SLC22A16: variants seen among roughly 807,000 people sequenced by gnomAD.
The protein encoded by SLC22A16 is solute carrier family 22 member 16, also known as WUGSC:RG331P03.1.
Under a neutral mutation model 52.9 loss-of-function variants are expected in SLC22A16, and 53 were observed. The observed-to-expected ratio is 1.00, with a 90% CI of 0.80 to 1.26. SLC22A16 has a LOEUF of 1.26. Among genes scored for constraint, SLC22A16 ranks in the 50% most tolerant of loss-of-function variants. The pLI is 0.00. For missense variants in SLC22A16, 726 were observed against 704.0 expected (o/e 1.03, Z -0.35); for synonymous variants, 291 against 268.8 (o/e 1.08, Z -0.81).
At chr6:110,461,313 A>T (rs1775874116) in intron 1 of SLC22A16, among the ~76,000 whole-genome samples, 1 of 152,194 alleles carries the variant, frequency 6.6e-6, no homozygotes, top group African/African-American at 2.4e-5. Context: ...GCCAAAGGAC[A>T]GTGTTTAAAA....
chr6:110,434,095 C>G (rs1015826337), intron 6 of SLC22A16, among the ~76,000 whole-genome samples: 6 of 151,994 alleles, frequency 3.9e-5, no homozygotes, highest in Non-Finnish European at 7.4e-5. Context: ...CAAAAATTAG[C>G]CGGGCATGGT....
chr6:110,466,200 G>C (rs1012789260), intron 1 of SLC22A16, among the ~76,000 whole-genome samples: 14 of 152,126 alleles, frequency 9.2e-5, no homozygotes, highest in African/African-American at 3.1e-4. Flanking sequence ...AGAAAACTTA[G>C]GAAAAACTCT....
intron 2 of SLC22A16, among the ~76,000 whole-genome samples, chr6:110,450,782 T>A (rs1271862049): frequency 6.6e-6 from 1 of 152,132 alleles, no homozygotes; most frequent in Admixed American, 6.5e-5. Flanking sequence ...ATATGTACAG[T>A]TTCAAGAATA....
At chr6:110,459,899 C>T (rs964046992) in intron 1 of SLC22A16, among the ~76,000 whole-genome samples, 7 of 152,074 alleles carry the variant, frequency 4.6e-5, no homozygotes, top group Non-Finnish European at 1.0e-4. Flanking sequence ...GACAATTATG[C>T]CCACAGGACA....
Position 110,438,045 on chromosome 6 carries a change from C to T in SLC22A16, c.1311+675G>A, listed in dbSNP as rs181101600. ...CATTCAGGTTTCTGATTACATGTCGCCTCCTCCGAGAGGTGCACCATCCTC... is the reference window on the plus strand; with the variant it reads ...CATTCAGGTTTCTGATTACATGTCGTCTCCTCCGAGAGGTGCACCATCCTC... On this transcript the variant is annotated intron_variant, in intron 5 of 7. Coordinates refer to ENST00000368919, the MANE Select transcript of SLC22A16 (RefSeq NM_033125.4). Among the ~76,000 whole-genome samples the T allele has an allele frequency of 3.5e-3, 538 of 152,228 alleles. 3 individuals carry two copies. The highest frequency in any genetic ancestry group is 0.012 in the African/African-American group (512 of 41,536).
chr6:110,458,946 C>T (rs1410738568), intron 1 of SLC22A16, among the ~76,000 whole-genome samples: 1 of 152,028 alleles, frequency 6.6e-6, no homozygotes, highest in African/African-American at 2.4e-5. Flanking sequence ...GACTTCTCAG[C>T]CTTTATAACC....
chr6:110,442,183 C>A (rs559796992), intron 4 of SLC22A16, 61 bp downstream of exon 4: 4 of 1,504,636 alleles, frequency 2.7e-6, no homozygotes, highest in Admixed American at 1.9e-5. Flanking sequence ...AACAGACACA[C>A]ACACACAAAT....
At chr6:110,474,476 T>G (rs1776388638) in intron 1 of SLC22A16, among the ~76,000 whole-genome samples, 2 of 152,250 alleles carry the variant, frequency 1.3e-5, no homozygotes, top group Admixed American at 1.3e-4. Flanking sequence ...TCTTCTGCTA[T>G]ATAAGCAGTG....
At chr6:110,445,685 G>T (rs1436213798) in intron 3 of SLC22A16, among the ~76,000 whole-genome samples, 1 of 152,142 alleles carries the variant, frequency 6.6e-6, no homozygotes, top group South Asian at 2.1e-4. Flanking sequence ...TATTTTGCAA[G>T]ACTGAAACAG....
intron 1 of SLC22A16, among the ~76,000 whole-genome samples, chr6:110,470,132 A>T (rs1295511323): frequency 1.3e-5 from 2 of 152,180 alleles, no homozygotes; most frequent in Non-Finnish European, 2.9e-5. Context: ...GTGGGCCAGC[A>T]TCTACCCGCT....
At chr6:110,474,403 G>A (rs1253342322) in intron 1 of SLC22A16, among the ~76,000 whole-genome samples, 1 of 152,218 alleles carries the variant, frequency 6.6e-6, no homozygotes, top group African/African-American at 2.4e-5. Flanking sequence ...ATAAAGAATA[G>A]ATACCAATTA....
At chr6:110,469,155 C>G (rs1776176039) in intron 1 of SLC22A16, among the ~76,000 whole-genome samples, 3 of 152,212 alleles carry the variant, frequency 2.0e-5, no homozygotes, top group African/African-American at 2.4e-5. Context: ...CAATTCTCCC[C>G]TCTTTACTCT....
chr6:110,450,689 G>C (rs1271613679), intron 2 of SLC22A16, among the ~76,000 whole-genome samples: 1 of 147,280 alleles, frequency 6.8e-6, no homozygotes, highest in East Asian at 2.0e-4. Context: ...ATTCTCCACT[G>C]TTAGCTCCTT....
At chr6:110,439,510 T>C (rs976967726) in intron 4 of SLC22A16, among the ~76,000 whole-genome samples, 2 of 150,374 alleles carry the variant, frequency 1.3e-5, no homozygotes, top group African/African-American at 5.0e-5. Context: ...AAAGAGTAAA[T>C]CTTTTTTTCT....
At chr6:110,476,412 TGGA>T (rs1160387757) in intron 1 of SLC22A16, 107 bp downstream of exon 1, 29 of 1,391,272 alleles carry the variant, frequency 2.1e-5, no homozygotes, top group Non-Finnish European at 2.7e-5. Flanking sequence ...GAGGAGGAAG[TGGA>T]GATGTTTTCG....
chr6:110,443,026 C>T (rs1182976051), intron 3 of SLC22A16, among the ~76,000 whole-genome samples: 2 of 152,132 alleles, frequency 1.3e-5, no homozygotes, highest in African/African-American at 2.4e-5. Flanking sequence ...AAATGTTAGA[C>T]ATTGTCTTTT....
At chr6:110,463,681 A>G (rs2115011888) in intron 1 of SLC22A16, among the ~76,000 whole-genome samples, 1 of 152,142 alleles carries the variant, frequency 6.6e-6, no homozygotes, top group South Asian at 2.1e-4. Flanking sequence ...AGACAGTCAT[A>G]TAAAAGAGTG....
At chr6:110,458,070 C>T (rs1000566726) in intron 1 of SLC22A16, among the ~76,000 whole-genome samples, 5 of 152,154 alleles carry the variant, frequency 3.3e-5, no homozygotes, top group Admixed American at 3.3e-4. Flanking sequence ...CTGGCTCTGC[C>T]TTCTAGATAG....
intron 1 of SLC22A16, among the ~76,000 whole-genome samples, chr6:110,463,878 C>T (rs1296177912): frequency 2.0e-5 from 3 of 151,200 alleles, no homozygotes; most frequent in South Asian, 4.2e-4. Context: ...TAAAATTCAC[C>T]ATATGCTTGC....
Sources: gnomAD v4.1 joint callset for allele counts (sites outside exome capture counted in the v4.1 genomes callset) on GRCh38, gnomAD v4.1.1 for gene constraint, MANE v1.5 for transcripts, NCBI Gene and HGNC (gene_info 2026-07-23, HGNC 2026-07-21) for gene names.